AMOTL2: variants seen among roughly 807,000 people sequenced by gnomAD.
AMOTL2 encodes the protein angiomotin-like protein 2.
A neutral mutation model predicts 78.4 loss-of-function variants in AMOTL2; 33 were observed. The ratio of observed to expected loss-of-function variants is 0.42; its 90% CI spans 0.32 to 0.56. AMOTL2 has a LOEUF of 0.56. Among genes scored for constraint, AMOTL2 ranks in the 20% least tolerant of loss-of-function variants. The pLI is 0.12. For missense variants in AMOTL2, 983 were observed against 1,030.1 expected (o/e 0.95, Z 0.63); for synonymous variants, 422 against 428.8 (o/e 0.98, Z 0.20).
chr3:134,370,848 G>T lies in AMOTL2; in HGVS notation c.586C>A (p.Leu196Met). 6.2e-7 allele frequency: 1 copy of T among 1,601,780 alleles called. No homozygotes were observed. The highest frequency in any genetic ancestry group is 1.3e-5 in the African/African-American group (1 of 74,774). Residue 196 changes from leucine to methionine, a missense_variant, in exon 2 of 10, where the codon CTG becomes ATG. By Grantham distance (15) the Leu-to-Met change is conservative (BLOSUM62 2). Coordinates refer to ENST00000249883, the MANE Select transcript of AMOTL2 (RefSeq NM_016201.4). Reference protein sequence around the residue: ...QLARNQQGPPLRGPPAEGPES... With the variant: ...QLARNQQGPPMRGPPAEGPES... The stretch of plus-strand genomic sequence containing the variant: ...GGGCCCTCAGCAGGGGGGCCCCTCA[G>T]TGGGGGGCCCTGCTGGTTGCGGGCC...
intron 7 of AMOTL2, 90 bp from the exon 8 acceptor site, chr3:134,359,593 C>CG: frequency 9.2e-7 from 1 of 1,084,982 alleles, no homozygotes; most frequent in Non-Finnish European, 1.3e-6. Flanking sequence ...GAGGAAAAGC[C>CG]CCCCCCAACT....
In AMOTL2 at chr3:134,361,707, C is replaced by T; in HGVS notation, c.1380G>A (p.Gln460=). The change falls in exon 6 of 10, where the codon CAG becomes CAA. Residue 460 remains glutamine (Q), a synonymous_variant. Coordinates refer to ENST00000249883, the MANE Select transcript of AMOTL2 (RefSeq NM_016201.4). ...DQRRRAELLE[Q]ALGNAQGRAA... ...CCCGGCCCTGCGCATTGCCCAGAGC[C>T]TGCTCCAGCAGCTCGGCACGCCGCC... The T allele has an allele frequency of 1.9e-6, 3 of 1,610,198 alleles. No individual in the cohort carries two copies. The highest frequency in any genetic ancestry group is 2.5e-6 in the Non-Finnish European group (3 of 1,178,788).
chr3:134,357,666 G>T lies in AMOTL2; in HGVS notation c.*39C>A, dbSNP rs546488524. ...GCTGAGAGTGGCACAGGGCAGAGGA[G>T]GGGAGAGAATGGCTCAGAGTCCTGA... On this transcript the variant is annotated 3_prime_UTR_variant, in exon 10 of 10. Coordinates refer to ENST00000249883, the MANE Select transcript of AMOTL2 (RefSeq NM_016201.4). The T allele has an allele frequency of 2.1e-5, 33 of 1,606,054 alleles. No individual in the cohort carries two copies. The Admixed American group carries it at 3.8e-4, about 19-fold the overall frequency.
Position 134,361,692 on chromosome 3 carries a change from C to T in AMOTL2, c.1395G>A (p.Ala465=), listed in dbSNP as rs765496155. The change falls in exon 6 of 10, where the codon GCG becomes GCA. Residue 465 remains alanine, a synonymous_variant. Transcript: ENST00000249883. ...CTTCGGCTCGAGCTGCCCGGCCCTG[C>T]GCATTGCCCAGAGCCTGCTCCAGCA... The part of the protein sequence containing the change: ...AELLEQALGN[A]QGRAARAEEE... 16 of 1,611,100 alleles carry T rather than the reference C, an allele frequency of 9.9e-6. No homozygotes were observed. Among genetic ancestry groups the T allele is most frequent in the South Asian group, 4.4e-5 (4 of 91,060 alleles).
chr3:134,359,837 C>T (rs979382010), intron 7 of AMOTL2, among the ~76,000 whole-genome samples: 5 of 152,178 alleles, frequency 3.3e-5, no homozygotes, highest in Admixed American at 6.5e-5. Flanking sequence ...GGCGGCACTC[C>T]GGAGAGGGGA....
intron 7 of AMOTL2, 44 bp from the exon 8 acceptor site, chr3:134,359,547 C>A: frequency 6.7e-7 from 1 of 1,499,284 alleles, no homozygotes; most frequent in South Asian, 1.2e-5. Context: ...ACCCACAGAT[C>A]CAACAGCCTC....
chr3:134,368,051 G>A (rs1465740648), intron 2 of AMOTL2, among the ~76,000 whole-genome samples: 1 of 152,172 alleles, frequency 6.6e-6, no homozygotes, highest in Non-Finnish European at 1.5e-5. Context: ...GGGCTAGAGG[G>A]GATTAATGTC....
chr3:134,360,211 T>A lies in AMOTL2; in HGVS notation c.1778A>T (p.Gln593Leu). The part of the protein sequence containing the change: ...AMDAAATAAA[Q>L]RDTTLIRHSP... ...ATGTCGGATGAGAGTGGTGTCACGC[T>A]GAGCAGCAGCCGTGGCAGCCGCATC... The change falls in exon 7 of 10, where the codon CAG becomes CTG. Residue 593 changes from glutamine (Q) to leucine (L), a missense_variant. Transcript: ENST00000249883. 6.2e-7 allele frequency: 1 copy of A among 1,614,132 alleles called. No homozygotes were observed. Among genetic ancestry groups the A allele is most frequent in the Non-Finnish European group, 8.5e-7 (1 of 1,179,978 alleles).
intron 2 of AMOTL2, among the ~76,000 whole-genome samples, chr3:134,368,127 G>A (rs183724986): frequency 6.6e-6 from 1 of 152,104 alleles, no homozygotes; most frequent in African/African-American, 2.4e-5. Context: ...AGCAATCCTG[G>A]GCCTCCTAAG....
At chr3:134,364,348 G>A (rs2107741285) in intron 5 of AMOTL2, among the ~76,000 whole-genome samples, 1 of 151,918 alleles carries the variant, frequency 6.6e-6, no homozygotes, top group Middle Eastern at 3.4e-3. Context: ...GAGCGGAAAC[G>A]CCTCCCGGCC....
chr3:134,367,838 A>G, intron 2 of AMOTL2, 35 bp from the exon 3 acceptor site: 10 of 1,607,714 alleles, frequency 6.2e-6, no homozygotes, highest in Non-Finnish European at 8.5e-6. Flanking sequence ...CAGAGACAGC[A>G]CAGACCCTCA....
chr3:134,370,408 C>T (rs2017796550), intron 2 of AMOTL2, among the ~76,000 whole-genome samples: 1 of 152,204 alleles, frequency 6.6e-6, no homozygotes, highest in Non-Finnish European at 1.5e-5. Context: ...GAAATCTAAC[C>T]TTTAACCCCC....
At chr3:134,367,349 A>G in intron 3 of AMOTL2, 148 bp downstream of exon 3, 1 of 917,684 alleles carries the variant, frequency 1.1e-6, no homozygotes, top group East Asian at 2.6e-5. Context: ...GTGCATGAGG[A>G]GTGAGGGAGG....
At chr3:134,369,910 A>G (rs555431279) in intron 2 of AMOTL2, among the ~76,000 whole-genome samples, 39 of 152,218 alleles carry the variant, frequency 2.6e-4, no homozygotes, top group African/African-American at 7.2e-4. Context: ...AACTCTCTAG[A>G]CTTCTTGCCT....
At position 134,357,386 on chromosome 3, in the gene AMOTL2, T is replaced by G; in HGVS notation, c.*319A>C. 1 of 335,812 alleles carries G rather than the reference T, an allele frequency of 3.0e-6. No homozygotes were observed. Among genetic ancestry groups the G allele is most frequent in the Non-Finnish European group, 5.6e-6 (1 of 177,326 alleles). 20.8% of individuals were successfully genotyped at this position (335,812 alleles called of 1,614,324 possible). A position where few individuals can be genotyped will look rare whatever the true frequency, so the allele number is the denominator to read the frequency against. ...TGACAACTGGCAGGGCAGAGGGAGCTCAGCTCCTTTCTGAGCTGTCAGTTG... is the reference window on the plus strand; with the variant it reads ...TGACAACTGGCAGGGCAGAGGGAGCGCAGCTCCTTTCTGAGCTGTCAGTTG... On this transcript the variant is annotated 3_prime_UTR_variant, in exon 10 of 10. Coordinates refer to ENST00000249883, the MANE Select transcript of AMOTL2 (RefSeq NM_016201.4).
Position 134,356,198 on chromosome 3 carries a change from G to C in AMOTL2, c.*1507C>G, listed in dbSNP as rs957410933. 2 of 152,430 alleles carry C rather than the reference G, an allele frequency of 1.3e-5. No homozygotes were observed. Among genetic ancestry groups the C allele is most frequent in the Admixed American group, 1.3e-4 (2 of 15,280 alleles). 9.4% of individuals were successfully genotyped at this position (152,430 alleles called of 1,614,324 possible). On this transcript the variant is annotated 3_prime_UTR_variant, in exon 10 of 10. Coordinates refer to ENST00000249883, the MANE Select transcript of AMOTL2 (RefSeq NM_016201.4). ...AAATGTATTTTTCAGCTTTAAACAG[G>C]GGTAGGGGAATTTTTTAAAAAAAAT...
chr3:134,363,415 A>G (rs2017459253), intron 5 of AMOTL2, among the ~76,000 whole-genome samples: 1 of 152,186 alleles, frequency 6.6e-6, no homozygotes, highest in South Asian at 2.1e-4. Flanking sequence ...GTTGGGACTC[A>G]GGCAGGGAGG....
rs748858415 is a variant in AMOTL2 at position 134,359,255 on chromosome 3, A to C, written c.2104+28T>G. 19 of 1,610,094 alleles carry C rather than the reference A, an allele frequency of 1.2e-5. No homozygotes were observed. The Middle Eastern group carries it at 6.6e-4, about 56-fold the overall frequency. On this transcript the variant is annotated intron_variant, in intron 8 of 9. Coordinates refer to ENST00000249883, the MANE Select transcript of AMOTL2 (RefSeq NM_016201.4). The stretch of plus-strand genomic sequence containing the variant: ...CAGGCCCAGGAGAAATTACCTCTCA[A>C]TCTATCCCAGCAGTAGCCTCCTCTT...
rs1211203776 is a variant in AMOTL2 at position 134,355,923 on chromosome 3, T to C, written c.*1782A>G. The C allele has an allele frequency of 1.3e-5, 2 of 152,648 alleles. No homozygotes were observed. Among genetic ancestry groups the C allele is most frequent in the African/African-American group, 4.8e-5 (2 of 41,448 alleles). 9.5% of individuals were successfully genotyped at this position (152,648 alleles called of 1,614,324 possible). A position where few individuals can be genotyped will look rare whatever the true frequency, so the allele number is the denominator to read the frequency against. On this transcript the variant is annotated 3_prime_UTR_variant, in exon 10 of 10. Transcript: ENST00000249883. The stretch of plus-strand genomic sequence containing the variant: ...TAAAATACTGTTATACCCAGTGGAA[T>C]GCGGCAGCAATCCTGGTACAGGGTG...
Sources: allele counts gnomAD v4.1 joint callset (sites outside exome capture counted in the v4.1 genomes callset), GRCh38; gene constraint gnomAD v4.1.1; transcripts MANE v1.5; gene names NCBI Gene and HGNC (gene_info 2026-07-23, HGNC 2026-07-21).